Variants in CA10 observed in about 807,000 individuals in gnomAD.
The protein encoded by CA10 is carbonic anhydrase 10 (inactive).
Under a neutral mutation model 44.2 loss-of-function variants are expected in CA10, and 14 were observed. The observed-to-expected ratio is 0.32, with a 90% CI of 0.21 to 0.50. The LOEUF (loss-of-function observed/expected upper bound fraction) is 0.50. Ranked by LOEUF, CA10 falls within the 20% of genes least tolerant of loss-of-function variation. The probability of loss-of-function intolerance (pLI) is 0.99; values close to 1 mark genes in which losing one functional copy is unlikely to be tolerated. For synonymous variants in CA10, 159 were observed against 141.6 expected, an observed-to-expected ratio of 1.12 and a Z score of -0.87; for missense variants, 350 against 409.7, an observed-to-expected ratio of 0.85 and a Z score of 1.26.
chr17:51,853,741 C>T (rs1236449656), intron 3 of CA10, among the ~76,000 whole-genome samples: 1 of 152,026 alleles, frequency 6.6e-6, no homozygotes, highest in East Asian at 1.9e-4. Context: ...GGCGGTTTCC[C>T]CCATGCTGTT....
intron 2 of CA10, among the ~76,000 whole-genome samples, chr17:51,950,604 G>A (rs898016552): frequency 3.9e-5 from 6 of 152,154 alleles, no homozygotes; most frequent in East Asian, 3.9e-4. Context: ...TTGGGCCACC[G>A]CTTCTTGCCC....
chr17:51,720,711 A>G (rs1401560663), intron 4 of CA10, among the ~76,000 whole-genome samples: 1 of 152,234 alleles, frequency 6.6e-6, no homozygotes, highest in Non-Finnish European at 1.5e-5. Context: ...CAATCTAAAA[A>G]GTCAGTGTCA....
chr17:51,884,235 T>G (rs1416646569), intron 3 of CA10, among the ~76,000 whole-genome samples: 2 of 152,180 alleles, frequency 1.3e-5, no homozygotes, highest in African/African-American at 4.8e-5. Context: ...TTGAGAACCT[T>G]CAGTAATTTT....
At chr17:51,715,862 G>T (rs1263679606) in intron 4 of CA10, among the ~76,000 whole-genome samples, 2 of 152,074 alleles carry the variant, frequency 1.3e-5, no homozygotes, top group Admixed American at 1.3e-4. Context: ...GCTAACTTTT[G>T]TATTTTTAGT....
At chr17:51,883,561 A>C (rs1345942514) in intron 3 of CA10, among the ~76,000 whole-genome samples, 1 of 152,108 alleles carries the variant, frequency 6.6e-6, no homozygotes. Flanking sequence ...TTCAGTCTTT[A>C]CCATACTTGA....
At chr17:52,052,138 G>T (rs539197435) in intron 2 of CA10, among the ~76,000 whole-genome samples, 2 of 151,994 alleles carry the variant, frequency 1.3e-5, no homozygotes, top group African/African-American at 4.8e-5. Context: ...GAGGGTGGAG[G>T]GTGGGGGAAG....
chr17:51,945,019 C>T (rs1450770930), intron 2 of CA10, among the ~76,000 whole-genome samples: 2 of 152,170 alleles, frequency 1.3e-5, no homozygotes, highest in East Asian at 3.9e-4. Flanking sequence ...ACACCCTCCC[C>T]TTGTAGGAAA....
At chr17:52,050,454 G>A (rs964476036) in intron 2 of CA10, among the ~76,000 whole-genome samples, 13 of 152,062 alleles carry the variant, frequency 8.5e-5, no homozygotes, top group Admixed American at 2.6e-4. Context: ...TCCCCACAAC[G>A]GCTAAACAGA....
chr17:52,094,730 T>C (rs1988360596), intron 1 of CA10, among the ~76,000 whole-genome samples: 1 of 152,120 alleles, frequency 6.6e-6, no homozygotes, highest in South Asian at 2.1e-4. Context: ...ATAAACTTGC[T>C]CAACACTACT....
intron 2 of CA10, among the ~76,000 whole-genome samples, chr17:51,942,234 G>A (rs1983105176): frequency 6.6e-6 from 1 of 152,030 alleles, no homozygotes. Context: ...ACAGGGCTTA[G>A]TTATCTTCAT....
intron 3 of CA10, among the ~76,000 whole-genome samples, chr17:51,760,345 A>T (rs1905185063): frequency 6.6e-6 from 1 of 152,220 alleles, no homozygotes. Context: ...CCTTGCCCCT[A>T]TAGGCTCTCT....
At chr17:51,701,466 T>C (rs938200208) in intron 4 of CA10, among the ~76,000 whole-genome samples, 1 of 151,636 alleles carries the variant, frequency 6.6e-6, no homozygotes, top group Admixed American at 6.5e-5. Context: ...GTTCAACCCA[T>C]AACACTCTCA....
intron 3 of CA10, among the ~76,000 whole-genome samples, chr17:51,760,637 TA>T (rs1905192532): frequency 6.6e-6 from 1 of 152,218 alleles, no homozygotes; most frequent in African/African-American, 2.4e-5. Flanking sequence ...GTTTGAATTT[TA>T]AAAATAAACA....
rs567374207 is a variant in CA10, at chr17:52,010,002, C to A, written c.136+62317G>T. On this transcript the variant is annotated intron_variant, in intron 2 of 8. Coordinates refer to ENST00000451037, the MANE Select transcript of CA10 (RefSeq NM_020178.5). ...TGGCCAAGAAGCATATGGAAAAATG[C>A]TCCACATCACTAAATATCAGGGAAA... 4.6e-5 allele frequency among the ~76,000 whole-genome samples: 7 copies of A among 152,068 alleles called. No individual in the cohort carries two copies. The East Asian group carries it at 1.4e-3, about 30-fold the overall frequency.
At chr17:52,031,610 T>C (rs1986469875) in intron 2 of CA10, among the ~76,000 whole-genome samples, 1 of 152,220 alleles carries the variant, frequency 6.6e-6, no homozygotes, top group South Asian at 2.1e-4. Flanking sequence ...AAAGGATTCA[T>C]ATAAAGCTCT....
chr17:52,042,276 A>G (rs373149580), intron 2 of CA10, among the ~76,000 whole-genome samples: 20 of 152,078 alleles, frequency 1.3e-4, no homozygotes, highest in African/African-American at 4.6e-4. Flanking sequence ...TGTCTTTTTC[A>G]TAATAGCCAT....
At chr17:51,731,937 A>T (rs1916738394) in intron 4 of CA10, among the ~76,000 whole-genome samples, 1 of 152,168 alleles carries the variant, frequency 6.6e-6, no homozygotes, top group Admixed American at 6.5e-5. Context: ...AGCCTCCCAA[A>T]GTGCTAGCAC....
intron 1 of CA10, among the ~76,000 whole-genome samples, chr17:52,094,931 A>C (rs1381272043): frequency 6.6e-6 from 1 of 152,166 alleles, no homozygotes; most frequent in East Asian, 1.9e-4. Context: ...AAAAACTACA[A>C]ATTTCATCTA....
At chr17:51,701,640 C>G (rs998483066) in intron 4 of CA10, among the ~76,000 whole-genome samples, 5 of 152,176 alleles carry the variant, frequency 3.3e-5, no homozygotes, top group Non-Finnish European at 5.9e-5. Flanking sequence ...TATTTATATC[C>G]CCAAATGAAA....
Sources: gnomAD v4.1 joint callset for allele counts (sites outside exome capture counted in the v4.1 genomes callset) on GRCh38, gnomAD v4.1.1 for gene constraint, MANE v1.5 for transcripts, NCBI Gene and HGNC (gene_info 2026-07-23, HGNC 2026-07-21) for gene names.